Variants in PEX13 observed in about 807,000 individuals in gnomAD.
PEX13 encodes the protein peroxisome biogenesis factor 13.
In PEX13, 28 loss-of-function variants were observed where a neutral mutation model predicts 34.5. The ratio of observed to expected loss-of-function variants is 0.81; its 90% CI spans 0.60 to 1.11. PEX13 has a LOEUF of 1.11. Ranked by LOEUF, PEX13 falls within the 50% of genes most tolerant of loss-of-function variation. The probability of loss-of-function intolerance (pLI) is 0.00; values close to 1 mark genes in which losing one functional copy is unlikely to be tolerated. For missense variants in PEX13, 550 were observed against 491.0 expected (o/e 1.12, Z -1.13); for synonymous variants, 177 against 175.1 (o/e 1.01, Z -0.09).
At chr2:61,047,242 G>T (rs1461367095) in intron 3 of PEX13, among the ~76,000 whole-genome samples, 1 of 151,752 alleles carries the variant, frequency 6.6e-6, no homozygotes, top group Admixed American at 6.6e-5. Context: ...TGCAACCTCC[G>T]CCTCCCGGGT....
At chr2:61,037,293 A>G (rs1057071378) in intron 2 of PEX13, among the ~76,000 whole-genome samples, 2 of 152,186 alleles carry the variant, frequency 1.3e-5, no homozygotes, top group African/African-American at 4.8e-5. Flanking sequence ...ACAGAACTCT[A>G]CACCCCAAAT....
At chr2:61,019,536 C>T (rs1439192472) in intron 1 of PEX13, among the ~76,000 whole-genome samples, 2 of 152,034 alleles carry the variant, frequency 1.3e-5, no homozygotes, top group East Asian at 3.9e-4. Flanking sequence ...TCTTTTAAAT[C>T]TTCCGGTTTT....
rs1010478194 is a variant in PEX13 at position 61,050,893 on chromosome 2, T to A, written c.*2123T>A. 3.3e-5 allele frequency: 5 copies of A among 152,342 alleles called. No homozygotes were observed. Among genetic ancestry groups the A allele is most frequent in the Non-Finnish European group, 7.3e-5 (5 of 68,088 alleles). 9.4% of individuals were successfully genotyped at this position (152,342 alleles called of 1,614,324 possible). A position where few individuals can be genotyped will look rare whatever the true frequency, so the allele number is the denominator to read the frequency against. On this transcript the variant is annotated 3_prime_UTR_variant, in exon 4 of 4. Coordinates refer to ENST00000295030, the MANE Select transcript of PEX13 (RefSeq NM_002618.4). ...GCTTCGGTCTCCCAAAGTGTTGGGATTACAGGCGTGAGCCACCGCACCCAG... is the reference window on the plus strand; with the variant it reads ...GCTTCGGTCTCCCAAAGTGTTGGGAATACAGGCGTGAGCCACCGCACCCAG...
rs533435871 is a variant in PEX13 at position 61,047,631 on chromosome 2, A to G, written c.914-841A>G. Among the ~76,000 whole-genome samples, 8 of 152,280 alleles carry G rather than the reference A, an allele frequency of 5.3e-5. No individual in the cohort carries two copies. The South Asian group carries it at 1.0e-3, about 20-fold the overall frequency. ...AAATTTTATATTTCATTATTCTTCA[A>G]TGAATAGTGCCTCTTAACACTAGCT... is the stretch of plus-strand genomic sequence containing the variant. On this transcript the variant is annotated intron_variant, in intron 3 of 3. Transcript: ENST00000295030.
At chr2:61,034,857 A>G (rs1006016189) in intron 2 of PEX13, among the ~76,000 whole-genome samples, 3 of 152,352 alleles carry the variant, frequency 2.0e-5, no homozygotes, top group Non-Finnish European at 4.4e-5. Context: ...AGCAAGGACT[A>G]TTGCCTCTCT....
At chr2:61,036,317 G>C (rs1680534082) in intron 2 of PEX13, among the ~76,000 whole-genome samples, 1 of 152,064 alleles carries the variant, frequency 6.6e-6, no homozygotes, top group African/African-American at 2.4e-5. Flanking sequence ...GCAACCCTAA[G>C]ACACATAATT....
Position 61,049,883 on chromosome 2 carries a change from CT to C in PEX13, c.*1117del, listed in dbSNP as rs1680767148. The C allele has an allele frequency of 6.6e-6, 1 of 152,210 alleles. No individual in the cohort carries two copies. Among genetic ancestry groups the C allele is most frequent in the Non-Finnish European group, 1.5e-5 (1 of 68,018 alleles). The allele number at this position is 152,210 out of a possible 1,614,324, so 9.4% of individuals were successfully genotyped here. ...TTTTCCTACAACAAATACTTGAGTTCTTTTGAGTTTGCACTTAATGATATAA... is the reference window on the plus strand; with the variant it reads ...TTTTCCTACAACAAATACTTGAGTTCTTTGAGTTTGCACTTAATGATATAA... On this transcript the variant is annotated 3_prime_UTR_variant, in exon 4 of 4. Coordinates refer to ENST00000295030, the MANE Select transcript of PEX13 (RefSeq NM_002618.4).
At chr2:61,024,455 C>T (rs191025888) in intron 1 of PEX13, among the ~76,000 whole-genome samples, 295 of 152,248 alleles carry the variant, frequency 1.9e-3, no homozygotes, top group African/African-American at 6.9e-3. Context: ...TGGGTATTTT[C>T]TTCCCATCTC....
intron 1 of PEX13, among the ~76,000 whole-genome samples, chr2:61,023,595 A>T (rs1335912679): frequency 1.3e-5 from 2 of 152,076 alleles, no homozygotes; most frequent in Admixed American, 1.3e-4. Flanking sequence ...TTATATCGGG[A>T]CTAGTGTCTG....
At position 61,048,747 on chromosome 2, in the gene PEX13, G is replaced by A; in HGVS notation, c.1189G>A (p.Asp397Asn). Residue 397 changes from aspartate to asparagine, a missense_variant, in exon 4 of 4, where the codon GAT becomes AAT. Transcript: ENST00000295030. ...AGTTGCACCTGATTCCATTGGGAAA[G>A]ATGGAGAAAAGCAAGATCTTTGATA... ...VPVAPDSIGK[D>N]GEKQDL 6.2e-7 allele frequency: 1 copy of A among 1,613,950 alleles called. No individual in the cohort carries two copies. The highest frequency in any genetic ancestry group is 1.1e-5 in the South Asian group (1 of 91,074).
chr2:61,021,508 G>A (rs1358934151), intron 1 of PEX13, among the ~76,000 whole-genome samples: 2 of 152,088 alleles, frequency 1.3e-5, no homozygotes, highest in East Asian at 1.9e-4. Context: ...GGTAAACAGA[G>A]CGCCCAGGAA....
chr2:61,018,320 C>G, intron 1 of PEX13: 1 of 1,547,302 alleles, frequency 6.5e-7, no homozygotes, highest in Non-Finnish European at 8.7e-7. Flanking sequence ...AACAGGAACT[C>G]AAGCCCCGTA....
intron 1 of PEX13, among the ~76,000 whole-genome samples, chr2:61,021,737 G>A (rs553612062): frequency 3.3e-5 from 5 of 152,190 alleles, no homozygotes; most frequent in African/African-American, 4.8e-5. Flanking sequence ...CCTGACCCCC[G>A]TGTAGCCTGA....
Position 61,051,903 on chromosome 2 carries a change from T to C in PEX13, c.*3133T>C, listed in dbSNP as rs1487034601. The stretch of plus-strand genomic sequence containing the variant: ...TCTTGTGCTTTCTTTAATAGAAAAA[T>C]GAACAGAAACTGAATGCAGTTAAAT... On this transcript the variant is annotated 3_prime_UTR_variant, in exon 4 of 4. Coordinates refer to ENST00000295030, the MANE Select transcript of PEX13 (RefSeq NM_002618.4). 2 of 152,316 alleles carry C rather than the reference T, an allele frequency of 1.3e-5. No homozygotes were observed. Among genetic ancestry groups the C allele is most frequent in the South Asian group, 4.1e-4 (2 of 4,836 alleles). The allele number at this position is 152,316 out of a possible 1,614,324, so 9.4% of individuals were successfully genotyped here.
At chr2:61,038,089 G>A (rs1680565229) in intron 2 of PEX13, among the ~76,000 whole-genome samples, 1 of 152,250 alleles carries the variant, frequency 6.6e-6, no homozygotes, top group Middle Eastern at 3.4e-3. Context: ...CCAATAACAG[G>A]TTCTGAAATT....
At chr2:61,035,683 C>T (rs1559038500) in intron 2 of PEX13, among the ~76,000 whole-genome samples, 1 of 152,052 alleles carries the variant, frequency 6.6e-6, no homozygotes, top group African/African-American at 2.4e-5. Context: ...CACACACAAG[C>T]TTCAATAGCT....
chr2:61,047,728 T>C (rs1680726508), intron 3 of PEX13, among the ~76,000 whole-genome samples: 1 of 152,202 alleles, frequency 6.6e-6, no homozygotes, highest in African/African-American at 2.4e-5. Flanking sequence ...GTCGTAGACA[T>C]GGTAAATTTG....
At chr2:61,029,080 C>T (rs1680406555) in intron 1 of PEX13, among the ~76,000 whole-genome samples, 1 of 144,974 alleles carries the variant, frequency 6.9e-6, no homozygotes, top group African/African-American at 2.6e-5. Context: ...AGAAGGATTA[C>T]TTGAGCTGTG....
chr2:61,017,785 C>T lies in PEX13; in HGVS notation c.26C>T (p.Pro9Leu), dbSNP rs764069625. The change falls in exon 1 of 4, where the codon CCC (proline) becomes CTC (leucine). Residue 9 changes from proline to leucine, a missense_variant. By Grantham distance (98) the Pro-to-Leu change is moderately conservative. Coordinates refer to ENST00000295030, the MANE Select transcript of PEX13 (RefSeq NM_002618.4). Reference protein sequence around the residue: MASQPPPPPKPWETRRIPG... With the variant: MASQPPPPLKPWETRRIPG... The stretch of plus-strand genomic sequence containing the variant: ...ATGGCGTCCCAGCCGCCACCTCCCC[C>T]CAAACCCTGGGAGACCCGCCGAATT... 3.2e-6 allele frequency: 5 copies of T among 1,550,210 alleles called. No individual in the cohort carries two copies. The highest frequency in any genetic ancestry group is 2.0e-5 in the Admixed American group (1 of 50,918).
Sources: allele counts gnomAD v4.1 joint callset (sites outside exome capture counted in the v4.1 genomes callset), GRCh38; gene constraint gnomAD v4.1.1; transcripts MANE v1.5; gene names NCBI Gene and HGNC (gene_info 2026-07-23, HGNC 2026-07-21).